SMARCC2: variants seen among roughly 807,000 people sequenced by gnomAD.
SMARCC2 encodes SWI/SNF related BAF chromatin remodeling complex subunit C2.
Under a neutral mutation model 151.3 loss-of-function variants are expected in SMARCC2, and 15 were observed. The ratio of observed to expected loss-of-function variants is 0.10; its 90% CI spans 0.07 to 0.15. The LOEUF (loss-of-function observed/expected upper bound fraction) is 0.15, where lower values mean the gene tolerates loss of function less well. SMARCC2 is among the 10% of genes least tolerant of loss of function. The probability of loss-of-function intolerance (pLI) is 1.00; values close to 1 mark genes in which losing one functional copy is unlikely to be tolerated. For synonymous variants in SMARCC2, 590 were observed against 609.5 expected (o/e 0.97, Z 0.47); for missense variants, 1,031 against 1,599.7 (o/e 0.64, Z 6.06).
At position 56,170,212 on chromosome 12, in the gene SMARCC2, G is replaced by A; in HGVS notation, c.2348-4C>T. 6.2e-7 allele frequency: 1 copy of A among 1,612,742 alleles called. No homozygotes were observed. The highest frequency in any genetic ancestry group is 8.5e-7 in the Non-Finnish European group (1 of 1,179,084). Reference sequence around the variant, plus strand: ...GCCTCGTCATTCCCGCTCTCCTCTGGGCCCATGAGAAAAGAAAGAAAACAG... The same window carrying A: ...GCCTCGTCATTCCCGCTCTCCTCTGAGCCCATGAGAAAAGAAAGAAAACAG... On this transcript the variant is annotated splice_region_variant and splice_polypyrimidine_tract_variant and intron_variant, in intron 22 of 28. Transcript: ENST00000550164.
At chr12:56,167,889 A>AACAC (rs57344405) in intron 26 of SMARCC2, among the ~76,000 whole-genome samples, 171 bp downstream of exon 26, 39 of 132,628 alleles carry the variant, frequency 2.9e-4, no homozygotes, top group South Asian at 7.1e-4. Flanking sequence ...CTTTCACTGA[A>AACAC]ACACACACAC....
At chr12:56,180,936 G>T in intron 11 of SMARCC2, 41 bp downstream of exon 11, 1 of 1,580,730 alleles carries the variant, frequency 6.3e-7, no homozygotes, top group Non-Finnish European at 8.6e-7. Flanking sequence ...AGTCAAGACG[G>T]GGAGTGGGGG....
intron 1 of SMARCC2, among the ~76,000 whole-genome samples, chr12:56,187,813 C>T (rs1356882249): frequency 1.3e-5 from 2 of 152,140 alleles, no homozygotes; most frequent in African/African-American, 4.8e-5. Context: ...CATTTTGCTT[C>T]TGAAGACTGG....
chr12:56,165,513 C>A lies in SMARCC2; in HGVS notation c.3037G>T (p.Ala1013Ser). 2 of 1,599,690 alleles carry A rather than the reference C, an allele frequency of 1.3e-6. No homozygotes were observed. Among genetic ancestry groups the A allele is most frequent in the Non-Finnish European group, 1.7e-6 (2 of 1,172,790 alleles). ...GGAGCCACAGCCAAGCCATGGACTGCGGGTGGCCCAGCAGCCCCTGTTGGG... is the reference window on the plus strand; with the variant it reads ...GGAGCCACAGCCAAGCCATGGACTGAGGGTGGCCCAGCAGCCCCTGTTGGG... Reference protein sequence around the residue: ...IPPTGAAGPPAVHGLAVAPAS... With the variant: ...IPPTGAAGPPSVHGLAVAPAS... Residue 1013 changes from alanine to serine, a missense_variant, in exon 27 of 29, where the codon GCA (alanine) becomes TCA (serine). By Grantham distance (99) the Ala-to-Ser change is moderately conservative. Transcript: ENST00000550164.
intron 27 of SMARCC2, 24 bp from the exon 28 acceptor site, chr12:56,164,755 A>G: frequency 6.5e-7 from 1 of 1,550,252 alleles, no homozygotes; most frequent in Non-Finnish European, 8.7e-7. Context: ...TGAGAGATGG[A>G]GAAAATTAGG....
intron 18 of SMARCC2, 45 bp from the exon 19 acceptor site, chr12:56,172,749 G>A (rs1450722322): frequency 1.2e-6 from 2 of 1,609,758 alleles, no homozygotes; most frequent in Non-Finnish European, 8.5e-7. Flanking sequence ...GTGACCACCG[G>A]GAGCCAGGGG....
chr12:56,176,817 T>G (rs977705920), intron 15 of SMARCC2, among the ~76,000 whole-genome samples: 1 of 150,132 alleles, frequency 6.7e-6, no homozygotes, highest in African/African-American at 2.5e-5. Context: ...ATTTTTTTTG[T>G]TTTTGTTTTT....
chr12:56,177,012 G>T (rs1354136191), intron 15 of SMARCC2, among the ~76,000 whole-genome samples: 1 of 152,074 alleles, frequency 6.6e-6, no homozygotes, highest in African/African-American at 2.4e-5. Context: ...GTAGAGACGG[G>T]GTTTCTCCAT....
intron 10 of SMARCC2, 95 bp from the exon 11 acceptor site, chr12:56,181,196 C>T (rs1339471169): frequency 7.7e-7 from 1 of 1,297,834 alleles, no homozygotes; most frequent in African/African-American, 1.5e-5. Flanking sequence ...ACAGAGAATT[C>T]CAAGGGTAGA....
In SMARCC2 at chr12:56,183,854, TC is replaced by T; in HGVS notation, c.632+6del. ...TACTTAAACCTGCCCCAGGAACCCA[TC>T]CTCACCTGTCAGGATAGTAGCCCCA... On this transcript the variant is annotated splice_donor_region_variant and intron_variant, in intron 7 of 28. Coordinates refer to ENST00000550164, the MANE Select transcript of SMARCC2 (RefSeq NM_001330288.2). 6.2e-7 allele frequency: 1 copy of T among 1,611,090 alleles called. No homozygotes were observed. The highest frequency in any genetic ancestry group is 8.5e-7 in the Non-Finnish European group (1 of 1,177,614).
At position 56,173,848 on chromosome 12, in the gene SMARCC2, C is replaced by T. The variant is rs770911472; in HGVS notation, c.1498G>A (p.Val500Ile). ...LAGDVCAIMR[V>I]HAFLEQWGLI... is the part of the protein sequence containing the mutation. ...CCCCACTGTTCTAGGAAGGCATGGA[C>T]CCTGTGCAGAGAGAGGCAGAGACAG... Residue 500 changes from valine to isoleucine, a missense_variant and splice_region_variant, in exon 17 of 29, where the codon GTC (valine) becomes ATC (isoleucine). Physicochemically the swap from Val to Ile is conservative, Grantham distance 29. Coordinates refer to ENST00000550164, the MANE Select transcript of SMARCC2 (RefSeq NM_001330288.2). 2.5e-6 allele frequency: 4 copies of T among 1,612,500 alleles called. No homozygotes were observed. The highest frequency in any genetic ancestry group is 2.5e-6 in the Non-Finnish European group (3 of 1,179,070).
chr12:56,187,228 A>G lies in SMARCC2; in HGVS notation c.190T>C (p.Phe64Leu). Residue 64 changes from phenylalanine to leucine, a missense_variant, in exon 2 of 29, where the codon TTT (phenylalanine) becomes CTT (leucine). Phe to Leu is a conservative substitution (Grantham distance 22, BLOSUM62 0). Transcript: ENST00000550164. Reference protein sequence around the residue: ...VQLLQFQEEVFGKHVSNAPLT... With the variant: ...VQLLQFQEEVLGKHVSNAPLT... ...GGTGCATTGCTGACATGTTTGCCAA[A>G]AACTTCTTCCTGAAATTGTAGCAAC... 1 of 1,614,092 alleles carries G rather than the reference A, an allele frequency of 6.2e-7. No homozygotes were observed.
At chr12:56,188,117 G>A (rs991665260) in intron 1 of SMARCC2, among the ~76,000 whole-genome samples, 2 of 152,168 alleles carry the variant, frequency 1.3e-5, no homozygotes, top group African/African-American at 4.8e-5. Context: ...ATCTGTGAAG[G>A]GAAAGGTAAA....
rs1872015655 is a variant in SMARCC2, at chr12:56,162,516, G to C, written c.*1173C>G. On this transcript the variant is annotated 3_prime_UTR_variant, in exon 29 of 29. Transcript: ENST00000550164. ...CAAAGGGCCTGGTGGGAGGAACCAA[G>C]AAGAACCAGTGCAGAGCCTGGAGTC... is the stretch of plus-strand genomic sequence containing the variant. The C allele has an allele frequency of 1.8e-6, 1 of 559,490 alleles. No individual in the cohort carries two copies. Among genetic ancestry groups the C allele is most frequent in the Non-Finnish European group, 3.1e-6 (1 of 320,130 alleles). 34.7% of individuals were successfully genotyped at this position (559,490 alleles called of 1,614,324 possible). A position where few individuals can be genotyped will look rare whatever the true frequency, so the allele number is the denominator to read the frequency against.
At chr12:56,180,833 GTAAT>G (rs1480288936) in intron 11 of SMARCC2, 140 bp downstream of exon 11, 2 of 837,594 alleles carry the variant, frequency 2.4e-6, no homozygotes, top group Non-Finnish European at 3.8e-6. Context: ...GGTAATGACC[GTAAT>G]TCCAATAACC....
At chr12:56,180,119 T>C (rs1875863883) in intron 11 of SMARCC2, among the ~76,000 whole-genome samples, 1 of 151,492 alleles carries the variant, frequency 6.6e-6, no homozygotes, top group Non-Finnish European at 1.5e-5. Flanking sequence ...TTTTCTTTTT[T>C]TTTATTTGAG....
chr12:56,181,692 AG>A lies in SMARCC2; in HGVS notation c.840+11del. ...CTAAGGGCGCCAGGAAAAAAAGAACAGGATTTGTCACCTCATCTGTCAGTGT... is the reference window on the plus strand; with the variant it reads ...CTAAGGGCGCCAGGAAAAAAAGAACAGATTTGTCACCTCATCTGTCAGTGT... On this transcript the variant is annotated intron_variant, in intron 9 of 28. Transcript: ENST00000550164. 1 of 1,614,184 alleles carries A rather than the reference AG, an allele frequency of 6.2e-7. No homozygotes were observed. Among genetic ancestry groups the A allele is most frequent in the Non-Finnish European group, 8.5e-7 (1 of 1,180,028 alleles).
intron 28 of SMARCC2, among the ~76,000 whole-genome samples, 188 bp from the exon 29 acceptor site, chr12:56,163,953 ACT>A (rs1159740719): frequency 6.6e-6 from 1 of 151,610 alleles, no homozygotes; most frequent in Non-Finnish European, 1.5e-5. Context: ...ATATAGAAAG[ACT>A]CTCTATATGG....
chr12:56,179,182 C>T lies in SMARCC2; in HGVS notation c.1082-126G>A, dbSNP rs1875631939. On this transcript the variant is annotated intron_variant, in intron 11 of 28. Coordinates refer to ENST00000550164, the MANE Select transcript of SMARCC2 (RefSeq NM_001330288.2). ...CCTGATTGCAAAATATAGTAATTCT[C>T]TCCAGTCACAATTATTCTAGGGCTT... 12 of 746,632 alleles carry T rather than the reference C, an allele frequency of 1.6e-5. No individual in the cohort carries two copies. The South Asian group carries it at 1.7e-4, about 11-fold the overall frequency. 46.3% of individuals were successfully genotyped at this position (746,632 alleles called of 1,614,324 possible).
Sources: gnomAD v4.1 joint callset for allele counts (sites outside exome capture counted in the v4.1 genomes callset) on GRCh38, gnomAD v4.1.1 for gene constraint, MANE v1.5 for transcripts, NCBI Gene and HGNC (gene_info 2026-07-23, HGNC 2026-07-21) for gene names.